The following DST variants were observed in gnomAD, a reference collection of about 807,000 sequenced individuals.
DST encodes the protein bullous pemphigoid antigen.
Under a neutral mutation model 875.2 loss-of-function variants are expected in DST, and 253 were observed. The observed-to-expected ratio is 0.29, with a 90% confidence interval of 0.26 to 0.32. The LOEUF is 0.32. Among genes scored for constraint, DST ranks in the 10% least tolerant of loss-of-function variants. The pLI, the probability that DST is intolerant of heterozygous loss-of-function variation, is 1.00. For synonymous variants in DST, 3,124 were observed against 3,197.1 expected (o/e 0.98, Z 0.77); for missense variants, 8,287 against 9,111.6 (o/e 0.91, Z 3.68).
Position 56,552,668 on chromosome 6 carries a change from G to C in DST, c.16124C>G (p.Ser5375Cys). 6.2e-7 allele frequency: 1 copy of C among 1,613,832 alleles called. No individual in the cohort carries two copies. The highest frequency in any genetic ancestry group is 8.5e-7 in the Non-Finnish European group (1 of 1,179,896). The stretch of plus-strand genomic sequence containing the variant: ...GCCCTGAAGCTTGGTTTCTAAGAAA[G>C]AACACTTTTCATCAACCTGCTGACT... ...TLSQQVDEKCSFLETKLQGIG... is the reference protein window; with the variant it reads ...TLSQQVDEKCCFLETKLQGIG... Residue 5375 changes from serine (S) to cysteine (C), a missense_variant, in exon 61 of 104, where the codon TCT becomes TGT. By Grantham distance (112) the Ser-to-Cys change is moderately radical (BLOSUM62 -1). Around this residue, in one of 10 missense-constraint regions of DST, gnomAD observed 1,513 missense variants for 1,677.8 expected, o/e 0.90. Coordinates refer to ENST00000680361, the MANE Select transcript of DST (RefSeq NM_001374736.1).
intron 2 of DST, among the ~76,000 whole-genome samples, chr6:56,909,203 T>C (rs904324865): frequency 6.6e-6 from 1 of 152,208 alleles, no homozygotes; most frequent in Admixed American, 6.5e-5. Context: ...TAATAACTTA[T>C]ATTTCAATGT....
intron 4 of DST, among the ~76,000 whole-genome samples, chr6:56,749,529 G>A (rs1024635790): frequency 6.6e-6 from 1 of 151,904 alleles, no homozygotes; most frequent in African/African-American, 2.4e-5. Flanking sequence ...CTTAATACAC[G>A]GCCTAATATT....
rs80080279 is a variant in DST, at chr6:56,789,994, G to T, written c.626-54705C>A. On this transcript the variant is annotated intron_variant, in intron 4 of 103. Transcript: ENST00000680361. ...ATATTTCAGACTCCAGTCTCTACCA[G>T]GGATGCTCTCTTCTTTTATTTCAGA... is the stretch of plus-strand genomic sequence containing the variant. Among the ~76,000 whole-genome samples the T allele has an allele frequency of 3.4e-3, 514 of 152,220 alleles. 4 individuals carry two copies. The highest frequency in any genetic ancestry group is 0.012 in the African/African-American group (499 of 41,542).
At chr6:56,716,709 C>T (rs1589111702) in intron 5 of DST, among the ~76,000 whole-genome samples, 1 of 152,168 alleles carries the variant, frequency 6.6e-6, no homozygotes, top group Non-Finnish European at 1.5e-5. Context: ...AGCCTTCAAA[C>T]TGCCCTTAAT....
At chr6:56,934,559 A>ATTTTATATATATATATATAT (rs1554267210) in intron 2 of DST, among the ~76,000 whole-genome samples, 1 of 67,218 alleles carries the variant, frequency 1.5e-5, no homozygotes, top group Non-Finnish European at 2.9e-5. Context: ...TATATATTAT[A>ATTTTATATATATATATATAT]TTATATATAT....
chr6:56,770,845 C>A (rs1360855774), intron 4 of DST, among the ~76,000 whole-genome samples: 2 of 151,798 alleles, frequency 1.3e-5, no homozygotes, highest in Non-Finnish European at 2.9e-5. Context: ...TACTAAAAAT[C>A]CAAAATTACC....
chr6:56,511,892 TAGAA>T (rs1293394818), intron 72 of DST, among the ~76,000 whole-genome samples: 1 of 151,572 alleles, frequency 6.6e-6, no homozygotes, highest in Non-Finnish European at 1.5e-5. Flanking sequence ...GAAAAAAGAA[TAGAA>T]AGAAGCTCAA....
intron 4 of DST, among the ~76,000 whole-genome samples, chr6:56,809,281 G>C (rs1039024797): frequency 6.6e-6 from 1 of 152,142 alleles, no homozygotes; most frequent in African/African-American, 2.4e-5. Flanking sequence ...TCTGGTATCA[G>C]GGAACAAATC....
At chr6:56,543,383 C>T (rs1298230648) in intron 61 of DST, among the ~76,000 whole-genome samples, 1 of 152,164 alleles carries the variant, frequency 6.6e-6, no homozygotes. Context: ...GGGCTCTCAG[C>T]ACTGCTGACA....
intron 60 of DST, among the ~76,000 whole-genome samples, chr6:56,554,771 A>G (rs1268504745): frequency 3.3e-5 from 5 of 152,224 alleles, no homozygotes; most frequent in Non-Finnish European, 7.3e-5. Flanking sequence ...GAAACTTTTC[A>G]AACAGAACAA....
intron 93 of DST, 141 bp downstream of exon 93, chr6:56,473,732 C>A: frequency 2.6e-6 from 2 of 757,984 alleles, no homozygotes; most frequent in East Asian, 2.8e-5. Flanking sequence ...CTTGAGCACA[C>A]GTATTCCTTC....
intron 4 of DST, among the ~76,000 whole-genome samples, chr6:56,813,186 A>C (rs1360445422): frequency 7.0e-6 from 1 of 142,498 alleles, no homozygotes; most frequent in East Asian, 2.1e-4. Context: ...TTGAACAATG[A>C]GAACACATGG....
chr6:56,953,611 C>A (rs79318542), intron 2 of DST, among the ~76,000 whole-genome samples, 174 bp downstream of exon 2: 3 of 152,192 alleles, frequency 2.0e-5, no homozygotes, highest in African/African-American at 7.2e-5. Context: ...TTGCTAAAAC[C>A]GTTCGCTGGG....
chr6:56,607,664 G>T lies in DST; in HGVS notation c.6964C>A (p.Leu2322Met). Residue 2322 changes from leucine to methionine, a missense_variant, in exon 40 of 104, where the codon CTG becomes ATG. Coordinates refer to ENST00000680361, the MANE Select transcript of DST (RefSeq NM_001374736.1). ...GGATCAATTGATATTGTACTTGCCAGTTTTCCTGACTGAGAAAATTCACTA... is the reference window on the plus strand; with the variant it reads ...GGATCAATTGATATTGTACTTGCCATTTTTCCTGACTGAGAAAATTCACTA... Reference protein sequence around the residue: ...INSEFSQSGKLASTISIDPKV... With the variant: ...INSEFSQSGKMASTISIDPKV... The T allele has an allele frequency of 1.9e-6, 3 of 1,613,458 alleles. No individual in the cohort carries two copies.
At chr6:56,601,740 A>G (rs1009425982) in intron 43 of DST, 64 bp from the exon 44 acceptor site, 15 of 953,436 alleles carry the variant, frequency 1.6e-5, no homozygotes, top group Admixed American at 9.2e-5. Context: ...TATATTAACA[A>G]TAATATTTAT....
intron 22 of DST, among the ~76,000 whole-genome samples, chr6:56,637,036 T>C (rs994790868): frequency 1.3e-5 from 2 of 152,018 alleles, no homozygotes; most frequent in Non-Finnish European, 2.9e-5. Context: ...TGAGCCAAAA[T>C]TGCGCCATCG....
Position 56,573,078 on chromosome 6 carries a change from A to T in DST, c.13237-14T>A. ...CTGTTCCAACATCTAAAATAAACCA[A>T]ATATTGCATATCTTTTATTATGATG... On this transcript the variant is annotated splice_polypyrimidine_tract_variant and intron_variant, in intron 51 of 103. Transcript: ENST00000680361. 1.3e-6 allele frequency: 2 copies of T among 1,504,464 alleles called. No homozygotes were observed. Among genetic ancestry groups the T allele is most frequent in the Non-Finnish European group, 1.8e-6 (2 of 1,126,474 alleles). 93.2% of individuals were successfully genotyped at this position (1,504,464 alleles called of 1,614,324 possible). A position where few individuals can be genotyped will look rare whatever the true frequency, so the allele number is the denominator to read the frequency against.
chr6:56,843,283 C>T (rs1216801356), intron 4 of DST: 3 of 1,248,880 alleles, frequency 2.4e-6, no homozygotes, highest in Non-Finnish European at 3.0e-6. Context: ...AGCACGGAAG[C>T]CGAAGACGCA....
intron 4 of DST, among the ~76,000 whole-genome samples, chr6:56,795,635 A>G (rs1035857679): frequency 5.3e-5 from 8 of 152,192 alleles, no homozygotes; most frequent in Admixed American, 4.6e-4. Flanking sequence ...TCCACTCCAG[A>G]CCAATTACTT....
Sources: allele counts gnomAD v4.1 joint callset (sites outside exome capture counted in the v4.1 genomes callset), GRCh38; gene constraint gnomAD v4.1.1; regional missense constraint gnomAD v4.1.1; transcripts MANE v1.5; gene names NCBI Gene and HGNC (gene_info 2026-07-23, HGNC 2026-07-21).